Variants in POTEF observed in about 807,000 individuals in gnomAD.
POTEF encodes the protein ANKRD26-like family C member 1B.
Under a neutral mutation model 83.2 loss-of-function variants are expected in POTEF, and 20 were observed. The observed-to-expected ratio is 0.24, with a 90% CI of 0.17 to 0.35. The LOEUF (loss-of-function observed/expected upper bound fraction) is 0.35, where lower values mean the gene tolerates loss of function less well. Among genes scored for constraint, POTEF ranks in the 10% least tolerant of loss-of-function variants. The pLI, the probability that POTEF is intolerant of heterozygous loss-of-function variation, is 1.00. For missense variants in POTEF, 550 were observed against 1,203.2 expected (o/e 0.46, Z 8.03); for synonymous variants, 196 against 446.4 (o/e 0.44, Z 7.07).
intron 8 of POTEF, among the ~76,000 whole-genome samples, chr2:130,103,132 T>A (rs1177526700): frequency 6.8e-6 from 1 of 146,968 alleles, no homozygotes; most frequent in Non-Finnish European, 1.5e-5. Context: ...GCCAGGGTCT[T>A]GCTCTGTCAC....
At chr2:130,114,146 A>G (rs1486913882) in intron 5 of POTEF, among the ~76,000 whole-genome samples, 1 of 150,324 alleles carries the variant, frequency 6.7e-6, no homozygotes, top group Non-Finnish European at 1.5e-5. Flanking sequence ...TTCACTGCCA[A>G]TCTGGTTCCT....
intron 2 of POTEF, 91 bp from the exon 3 acceptor site, chr2:130,120,699 AC>A: frequency 1.1e-6 from 1 of 926,848 alleles, no homozygotes; most frequent in Non-Finnish European, 1.5e-6. Flanking sequence ...GAAAACCCAC[AC>A]CCACCCGAGG....
intron 2 of POTEF, among the ~76,000 whole-genome samples, chr2:130,125,623 G>A (rs1685074398): frequency 6.6e-6 from 1 of 151,668 alleles, no homozygotes; most frequent in African/African-American, 2.4e-5. Flanking sequence ...AGTTAATAAA[G>A]CCTTGTTTTT....
rs1323326638 is a variant in POTEF at position 130,129,172 on chromosome 2, G to A, written c.-350C>T. ...CCAGGGGCTCAGGCTCCAGCCTCCAGCATGCCGCTCCCTTCTACTCGTCTT... is the reference window on the plus strand; with the variant it reads ...CCAGGGGCTCAGGCTCCAGCCTCCAACATGCCGCTCCCTTCTACTCGTCTT... On this transcript the variant is annotated 5_prime_UTR_variant, in exon 1 of 17. Transcript: ENST00000409914. The A allele has an allele frequency of 1.4e-4, 8 of 55,380 alleles. 2 individuals carry two copies. The allele number at this position is 55,380 out of a possible 1,614,324, so 3.4% of individuals were successfully genotyped here.
At chr2:130,083,436 G>T (rs1358713088) in intron 15 of POTEF, among the ~76,000 whole-genome samples, 1 of 148,818 alleles carries the variant, frequency 6.7e-6, no homozygotes, top group Non-Finnish European at 1.5e-5. Context: ...AACAGACCAT[G>T]ATAAACGGAC....
At chr2:130,106,770 CCTGT>C (rs1209976231) in intron 8 of POTEF, among the ~76,000 whole-genome samples, 22 of 120,720 alleles carry the variant, frequency 1.8e-4, no homozygotes, top group Admixed American at 1.7e-3. Flanking sequence ...ACAAAAAGCT[CCTGT>C]CTGTATTTTT....
At position 130,107,968 on chromosome 2, in the gene POTEF, G is replaced by C. The variant is rs533176602; in HGVS notation, c.1126+41C>G. 5 of 1,587,892 alleles carry C rather than the reference G, an allele frequency of 3.1e-6. No homozygotes were observed. The East Asian group carries it at 9.2e-5, about 29-fold the overall frequency. ...ACCGGTCCCTGGTGTCAAAAAGATT[G>C]GGGACAACTGACTAAAGTAATTCAC... On this transcript the variant is annotated intron_variant, in intron 8 of 16. Coordinates refer to ENST00000409914, the MANE Select transcript of POTEF (RefSeq NM_001099771.2).
In POTEF at chr2:130,115,085, A is replaced by T. The variant is rs4092182; in HGVS notation, c.637-31T>A. Reference sequence around the variant, plus strand: ...AGTATTAGACCAAAAACAAATTACAAATCTTAGGAATTCAAAATAACATTC... The same window carrying T: ...AGTATTAGACCAAAAACAAATTACATATCTTAGGAATTCAAAATAACATTC... On this transcript the variant is annotated intron_variant, in intron 4 of 16. Transcript: ENST00000409914. 0.59 allele frequency: 851,342 copies of T among 1,446,462 alleles called. 249,672 individuals are homozygous for T. Among genetic ancestry groups the T allele is most frequent in the Admixed American group, 0.7 (27,453 of 39,340 alleles). 89.6% of individuals were successfully genotyped at this position (1,446,462 alleles called of 1,614,324 possible). A position where few individuals can be genotyped will look rare whatever the true frequency, so the allele number is the denominator to read the frequency against.
chr2:130,116,459 G>A (rs1286959064), intron 3 of POTEF, among the ~76,000 whole-genome samples: 4 of 148,524 alleles, frequency 2.7e-5, no homozygotes, highest in Non-Finnish European at 4.4e-5. Flanking sequence ...CAGGTGTTAA[G>A]CCCAGTACCC....
At position 130,117,936 on chromosome 2, in the gene POTEF, TTTTTTTTTTC is replaced by T. The variant is rs201702439; in HGVS notation, c.521+2049_521+2058del. Among the ~76,000 whole-genome samples the T allele has an allele frequency of 8.8e-3, 208 of 23,694 alleles. 2 individuals are homozygous for T. The highest frequency in any genetic ancestry group is 0.022 in the African/African-American group (119 of 5,292). 15.5% of individuals were successfully genotyped at this position (23,694 alleles called of 152,430 possible). ...TGGATAAAAAACAGTATTTCATTCC[TTTTTTTTTTC>T]TTTTTTTTTTTTGAGATGGAGTCTC... On this transcript the variant is annotated intron_variant, in intron 3 of 16. Transcript: ENST00000409914.
chr2:130,117,835 T>G (rs1207963285), intron 3 of POTEF, among the ~76,000 whole-genome samples: 1 of 152,012 alleles, frequency 6.6e-6, no homozygotes, highest in Non-Finnish European at 1.5e-5. Flanking sequence ...ACTAAAGTGT[T>G]TGTTTGAAAA....
At chr2:130,083,364 T>G (rs1318619991) in intron 15 of POTEF, among the ~76,000 whole-genome samples, 3 of 150,094 alleles carry the variant, frequency 2.0e-5, no homozygotes, top group Non-Finnish European at 4.4e-5. Context: ...GAAAGAAGAT[T>G]GAGGACTGAG....
chr2:130,103,020 T>C (rs1430356850), intron 8 of POTEF, among the ~76,000 whole-genome samples: 1 of 151,206 alleles, frequency 6.6e-6, no homozygotes. Context: ...ACTGACACCT[T>C]TATTAGTGTA....
intron 3 of POTEF, among the ~76,000 whole-genome samples, chr2:130,116,469 C>T (rs1347807742): frequency 6.7e-4 from 100 of 148,424 alleles, no homozygotes; most frequent in Non-Finnish European, 1.0e-3. Context: ...GCCCAGTACC[C>T]ATTCATTCTA....
At chr2:130,115,559 G>A (rs372956249) in intron 3 of POTEF, among the ~76,000 whole-genome samples, 5 of 151,940 alleles carry the variant, frequency 3.3e-5, no homozygotes, top group African/African-American at 7.3e-5. Flanking sequence ...GACATTCAAC[G>A]TGGGCTGGAA....
intron 3 of POTEF, among the ~76,000 whole-genome samples, chr2:130,119,334 T>C (rs1684936388): frequency 1.3e-5 from 2 of 151,818 alleles, no homozygotes; most frequent in Admixed American, 6.6e-5. Context: ...CGGCTAATTT[T>C]TTTTATATTT....
chr2:130,122,021 C>T (rs1328700874), intron 2 of POTEF, among the ~76,000 whole-genome samples: 4 of 151,766 alleles, frequency 2.6e-5, no homozygotes, highest in African/African-American at 9.7e-5. Context: ...AAGAATTTGC[C>T]TATTCTGGAA....
At position 130,106,133 on chromosome 2, in the gene POTEF, G is replaced by A. The variant is rs4321326; in HGVS notation, c.1126+1876C>T. ...GGATTAGCCAACCATGAAAGGAGAC[G>A]TGAATAAAACACTGTCAACAGCACA... is the stretch of plus-strand genomic sequence containing the variant. On this transcript the variant is annotated intron_variant, in intron 8 of 16. Coordinates refer to ENST00000409914, the MANE Select transcript of POTEF (RefSeq NM_001099771.2). 2.6e-5 allele frequency among the ~76,000 whole-genome samples: 4 copies of A among 150,972 alleles called. 1 individual carries two copies. Among genetic ancestry groups the A allele is most frequent in the Admixed American group, 6.6e-5 (1 of 15,156 alleles).
intron 1 of POTEF, among the ~76,000 whole-genome samples, chr2:130,128,741 C>T (rs1037367770): frequency 7.7e-6 from 1 of 129,720 alleles, no homozygotes; most frequent in Non-Finnish European, 1.7e-5. Context: ...AAACCACCCC[C>T]CGCTGCCAGC....
Sources: allele counts gnomAD v4.1 joint callset (sites outside exome capture counted in the v4.1 genomes callset), GRCh38; gene constraint gnomAD v4.1.1; transcripts MANE v1.5; gene names NCBI Gene and HGNC (gene_info 2026-07-23, HGNC 2026-07-21).